Variants in MZF1 observed in about 807,000 individuals in gnomAD.
MZF1 encodes zinc finger and SCAN domain-containing protein 6.
Under a neutral mutation model 28.6 loss-of-function variants are expected in MZF1, and 24 were observed. The ratio of observed to expected loss-of-function variants is 0.84; its 90% CI spans 0.61 to 1.18. MZF1 has a LOEUF of 1.18. MZF1 is among the 50% of genes most tolerant of loss of function. The probability of loss-of-function intolerance (pLI) is 0.00; values close to 1 mark genes in which losing one functional copy is unlikely to be tolerated. For missense variants in MZF1, 1,166 were observed against 1,026.4 expected, an observed-to-expected ratio of 1.14 and a Z score of -1.86; for synonymous variants, 516 against 432.5, an observed-to-expected ratio of 1.19 and a Z score of -2.40.
Position 58,563,442 on chromosome 19 carries a change from C to G in MZF1, c.835G>C (p.Val279Leu). 1 of 1,585,976 alleles carries G rather than the reference C, an allele frequency of 6.3e-7. No individual in the cohort carries two copies. The highest frequency in any genetic ancestry group is 8.6e-7 in the Non-Finnish European group (1 of 1,165,946). ...CCAGCCATGCCGAGGTCCCAGGGGA[C>G]GTGGAGGTGAGGGCTTACACTACCT... ...GPGSVSPHLHVPWDLGMAGLS... is the reference protein window; with the variant it reads ...GPGSVSPHLHLPWDLGMAGLS... The change falls in exon 6 of 6, where the codon GTC (valine) becomes CTC (leucine). Residue 279 changes from valine to leucine, a missense_variant. Transcript: ENST00000215057.
In MZF1 at chr19:58,561,933, T is replaced by A; in HGVS notation, c.*139A>T. Reference sequence around the variant, plus strand: ...GGCACTGAGTGGGTGGAGACCCAGTTTCCATCTACTGTTTATTGGACACCT... The same window carrying A: ...GGCACTGAGTGGGTGGAGACCCAGTATCCATCTACTGTTTATTGGACACCT... On this transcript the variant is annotated 3_prime_UTR_variant, in exon 6 of 6. Transcript: ENST00000215057. 1.2e-6 allele frequency: 1 copy of A among 858,042 alleles called. No homozygotes were observed. Among genetic ancestry groups the A allele is most frequent in the Non-Finnish European group, 1.8e-6 (1 of 566,788 alleles). 53.2% of individuals were successfully genotyped at this position (858,042 alleles called of 1,614,324 possible). A position where few individuals can be genotyped will look rare whatever the true frequency, so the allele number is the denominator to read the frequency against.
At chr19:58,569,712 G>T in intron 3 of MZF1, 126 bp from the exon 4 acceptor site, 1 of 790,146 alleles carries the variant, frequency 1.3e-6, no homozygotes, top group Non-Finnish European at 2.0e-6. Context: ...GTTGGGGAGG[G>T]CAGTGCAGGG....
intron 5 of MZF1, among the ~76,000 whole-genome samples, chr19:58,567,864 C>G (rs772999831): frequency 6.6e-6 from 1 of 152,030 alleles, no homozygotes; most frequent in African/African-American, 2.4e-5. Context: ...TAAGGAAAGA[C>G]ATTGTAAATG....
intron 5 of MZF1, among the ~76,000 whole-genome samples, chr19:58,567,838 G>T (rs1384477284): frequency 6.6e-6 from 1 of 152,144 alleles, no homozygotes; most frequent in Non-Finnish European, 1.5e-5. Flanking sequence ...AAAAGTTACT[G>T]CTGTTCTCAG....
rs769518758 is a variant in MZF1 at position 58,570,549 on chromosome 19, C to G, written c.397-22G>C. ...TGACCTGGGGAGGTGCCCCCACCAT[C>G]AGAAGTCCTACCAGAGAGTAAGGCT... On this transcript the variant is annotated intron_variant, in intron 2 of 5. Transcript: ENST00000215057. 5.0e-6 allele frequency: 8 copies of G among 1,605,026 alleles called. No individual in the cohort carries two copies. The East Asian group carries it at 1.8e-4, about 36-fold the overall frequency.
chr19:58,563,359 C>T lies in MZF1; in HGVS notation c.918G>A (p.Leu306=). Residue 306 remains leucine, a synonymous_variant, in exon 6 of 6, where the codon CTG becomes CTA. Coordinates refer to ENST00000215057, the MANE Select transcript of MZF1 (RefSeq NM_198055.2). The part of the protein sequence containing the change: ...SREGGFAHAL[L]LPSDLRSEQD... ...GTTCACTCCTCAGATCGCTGGGGAG[C>T]AGAAGCGCATGCGCAAAGCCACCTT... 1 of 1,607,944 alleles carries T rather than the reference C, an allele frequency of 6.2e-7. No homozygotes were observed. The highest frequency in any genetic ancestry group is 8.5e-7 in the Non-Finnish European group (1 of 1,177,384).
chr19:58,568,960 A>T (rs377447194), intron 5 of MZF1: 87 of 253,376 alleles, frequency 3.4e-4, no homozygotes, highest in African/African-American at 1.9e-3. Context: ...ATGCAAGCCC[A>T]GGAGGCCATC....
intron 5 of MZF1, among the ~76,000 whole-genome samples, chr19:58,566,528 A>C (rs2054061520): frequency 6.6e-6 from 1 of 152,322 alleles, no homozygotes; most frequent in Admixed American, 6.5e-5. Context: ...ACAAAGACAC[A>C]TAAGAAACAA....
chr19:58,563,297 C>T lies in MZF1; in HGVS notation c.980G>A (p.Gly327Asp). 1.2e-6 allele frequency: 2 copies of T among 1,608,028 alleles called. No homozygotes were observed. Among genetic ancestry groups the T allele is most frequent in the Non-Finnish European group, 1.7e-6 (2 of 1,177,786 alleles). ...PTDEDPCRGVGPALITTRWRS... is the reference protein window; with the variant it reads ...PTDEDPCRGVDPALITTRWRS... ...CCAGCGGGTGGTGATCAGAGCAGGG[C>T]CCACACCCCGGCAGGGATCCTCGTC... is the stretch of plus-strand genomic sequence containing the variant. Residue 327 changes from glycine (G) to aspartate (D), a missense_variant, in exon 6 of 6, where the codon GGC becomes GAC. By Grantham distance (94) the Gly-to-Asp change is moderately conservative (BLOSUM62 -1). Transcript: ENST00000215057.
chr19:58,561,971 C>T lies in MZF1; in HGVS notation c.*101G>A, dbSNP rs749875217. 4.0e-6 allele frequency: 5 copies of T among 1,262,534 alleles called. No homozygotes were observed. Among genetic ancestry groups the T allele is most frequent in the Non-Finnish European group, 5.4e-6 (5 of 922,456 alleles). The allele number at this position is 1,262,534 out of a possible 1,614,324, so 78.2% of individuals were successfully genotyped here. A position where few individuals can be genotyped will look rare whatever the true frequency, so the allele number is the denominator to read the frequency against. ...TTATTGGACACCTACAGTAGCCAAG[C>T]CCTGGGCGGACCTGCTTATACTTAT... On this transcript the variant is annotated 3_prime_UTR_variant, in exon 6 of 6. Coordinates refer to ENST00000215057, the MANE Select transcript of MZF1 (RefSeq NM_198055.2).
intron 5 of MZF1, among the ~76,000 whole-genome samples, chr19:58,565,987 A>C (rs1306804387): frequency 6.6e-6 from 1 of 151,030 alleles, no homozygotes; most frequent in Non-Finnish European, 1.5e-5. Flanking sequence ...AAAAATACAA[A>C]ATATTTAGCC....
rs768378644 is a variant in MZF1 at position 58,563,435 on chromosome 19, C to T, written c.842G>A (p.Trp281Ter). 5.7e-6 allele frequency: 9 copies of T among 1,588,974 alleles called. No individual in the cohort carries two copies. Among genetic ancestry groups the T allele is most frequent in the Non-Finnish European group, 7.7e-6 (9 of 1,167,556 alleles). ...AGAAAGGCCAGCCATGCCGAGGTCCCAGGGGACGTGGAGGTGAGGGCTTAC... is the reference window on the plus strand; with the variant it reads ...AGAAAGGCCAGCCATGCCGAGGTCCTAGGGGACGTGGAGGTGAGGGCTTAC... ...GSVSPHLHVP[W>*]DLGMAGLSGQ... The change falls in exon 6 of 6, where the codon TGG becomes TAG. Residue 281 changes from tryptophan (W) to a stop codon, truncating the protein, a stop_gained. Transcript: ENST00000215057. LOFTEE classifies it low-confidence loss of function (END_TRUNC).
chr19:58,563,444 TGGA>T lies in MZF1; in HGVS notation c.830_832del (p.Leu277del). On this transcript the variant is annotated inframe_deletion, in exon 6 of 6. Transcript: ENST00000215057. ...AGCCATGCCGAGGTCCCAGGGGACG[TGGA>T]GGTGAGGGCTTACACTACCTGGACC... 1 of 1,585,432 alleles carries T rather than the reference TGGA, an allele frequency of 6.3e-7. No individual in the cohort carries two copies.
intron 5 of MZF1, among the ~76,000 whole-genome samples, chr19:58,567,543 C>A (rs545179338): frequency 6.6e-6 from 1 of 152,368 alleles, no homozygotes; most frequent in South Asian, 2.1e-4. Flanking sequence ...TACCTTCTTG[C>A]AGGATTCAGA....
intron 2 of MZF1, 51 bp from the exon 3 acceptor site, chr19:58,570,578 C>T (rs367598553): frequency 1.9e-4 from 303 of 1,564,102 alleles, no homozygotes; most frequent in Non-Finnish European, 2.5e-4. Context: ...TAAGGCTGGC[C>T]GCAACCTGGG....
chr19:58,571,586 C>A (rs753829577), intron 1 of MZF1, 157 bp from the exon 2 acceptor site: 3 of 687,286 alleles, frequency 4.4e-6, no homozygotes, highest in Non-Finnish European at 7.1e-6. Context: ...CAGACTTATG[C>A]AGCTGGAAGC....
At chr19:58,565,095 T>A (rs2054021390) in intron 5 of MZF1, among the ~76,000 whole-genome samples, 1 of 115,294 alleles carries the variant, frequency 8.7e-6, no homozygotes, top group Admixed American at 8.5e-5. Flanking sequence ...TAATTGTTTG[T>A]ATTTTTTTTT....
Position 58,571,753 on chromosome 19 carries a change from G to C in MZF1, c.-40-324C>G, listed in dbSNP as rs1462650223. 4 of 230,190 alleles carry C rather than the reference G, an allele frequency of 1.7e-5. 1 individual carries two copies. In the South Asian group the frequency reaches 2.7e-4, roughly 16 times the overall value. The allele number at this position is 230,190 out of a possible 1,614,324, so 14.3% of individuals were successfully genotyped here. On this transcript the variant is annotated intron_variant, in intron 1 of 5. Coordinates refer to ENST00000215057, the MANE Select transcript of MZF1 (RefSeq NM_198055.2). ...CTGAAGTGCAGTGGCGAGATCATGC[G>C]TCACTGCAGACTTGACCTCCCGGGC...
intron 5 of MZF1, among the ~76,000 whole-genome samples, chr19:58,565,114 A>C (rs2054022204): frequency 7.3e-6 from 1 of 136,266 alleles, no homozygotes; most frequent in Admixed American, 7.3e-5. Flanking sequence ...TTTTTTTGAG[A>C]CGTAGTTTTG....
Sources: gnomAD v4.1 joint callset for allele counts (sites outside exome capture counted in the v4.1 genomes callset) on GRCh38, gnomAD v4.1.1 for gene constraint, MANE v1.5 for transcripts, NCBI Gene and HGNC (gene_info 2026-07-23, HGNC 2026-07-21) for gene names.